HSD17B12: variants seen among roughly 807,000 people sequenced by gnomAD.
HSD17B12 encodes the protein hydroxysteroid 17-beta dehydrogenase 12.
In HSD17B12, 32 loss-of-function variants were observed where a neutral mutation model predicts 39.3. That is an observed-to-expected ratio of 0.81 (90% CI 0.61 to 1.09). HSD17B12 has a LOEUF of 1.09. Among genes scored for constraint, HSD17B12 ranks in the 50% least tolerant of loss-of-function variants. HSD17B12 has a pLI of 0.00. For missense variants in HSD17B12, 342 were observed against 382.9 expected (o/e 0.89, Z 0.89); for synonymous variants, 150 against 146.7 (o/e 1.02, Z -0.16).
At chr11:43,658,059 A>T in the HSD17B12 span, among the ~76,000 whole-genome samples, 1 of 152,272 alleles carries the variant, frequency 6.6e-6, no homozygotes, top group East Asian at 1.9e-4. Context: ...TGGTCTTTTC[A>T]CATAGTCCCA....
At chr11:43,652,389 G>A in the HSD17B12 span, among the ~76,000 whole-genome samples, 1 of 152,180 alleles carries the variant, frequency 6.6e-6, no homozygotes, top group African/African-American at 2.4e-5. Context: ...AATGTGTGGA[G>A]ATTTTTCCCC....
At chr11:43,642,720 A>C in the HSD17B12 span, among the ~76,000 whole-genome samples, 11 of 151,960 alleles carry the variant, frequency 7.2e-5, no homozygotes, top group Admixed American at 2.6e-4. Context: ...AGAATTAGAA[A>C]TGTTCAGATG....
At chr11:43,727,665 C>G (rs1950233275) in intron 1 of HSD17B12, among the ~76,000 whole-genome samples, 1 of 152,106 alleles carries the variant, frequency 6.6e-6, no homozygotes, top group African/African-American at 2.4e-5. Context: ...GTACAAACCA[C>G]CATCTCTTAA....
chr11:43,558,276 C>T, the HSD17B12 span, among the ~76,000 whole-genome samples: 6 of 151,988 alleles, frequency 3.9e-5, no homozygotes, highest in African/African-American at 1.4e-4. Context: ...TTCAAATCCC[C>T]CAGAGGTCTG....
the HSD17B12 span, among the ~76,000 whole-genome samples, chr11:43,568,071 T>A: frequency 0.069 from 10,532 of 152,130 alleles, 774 homozygotes; most frequent in East Asian, 0.4. Context: ...CTCAGCCCTG[T>A]TTGTTTTTTT....
chr11:43,833,032 CAAAAAA>C (rs59191050), intron 7 of HSD17B12: 78,978 of 123,504 alleles, frequency 0.64, 23,154 homozygotes, highest in East Asian at 0.71. Flanking sequence ...GACCCTGTCT[CAAAAAA>C]AAAAAAAAAA....
At chr11:43,817,015 T>TAG (rs1951133210) in intron 6 of HSD17B12, among the ~76,000 whole-genome samples, 3 of 20,778 alleles carry the variant, frequency 1.4e-4, no homozygotes, top group African/African-American at 3.8e-4. Flanking sequence ...TATATCTATA[T>TAG]CTATATCTAT....
intron 1 of HSD17B12, among the ~76,000 whole-genome samples, chr11:43,747,698 G>A (rs1950424929): frequency 2.0e-5 from 3 of 152,188 alleles, no homozygotes; most frequent in Admixed American, 2.0e-4. Context: ...TATGCTGTTT[G>A]AACACAAAGG....
At chr11:43,630,090 T>C in the HSD17B12 span, among the ~76,000 whole-genome samples, 1 of 152,178 alleles carries the variant, frequency 6.6e-6, no homozygotes, top group African/African-American at 2.4e-5. Context: ...TTTCTTTGTC[T>C]GGAAAATTGG....
intron 3 of HSD17B12, among the ~76,000 whole-genome samples, chr11:43,768,193 T>G (rs1366292976): frequency 1.3e-5 from 2 of 152,080 alleles, no homozygotes; most frequent in Non-Finnish European, 2.9e-5. Context: ...GGAAGGTGCA[T>G]CCCCAAAACG....
chr11:43,756,682 G>A (rs1229461113), intron 3 of HSD17B12, among the ~76,000 whole-genome samples: 1 of 152,188 alleles, frequency 6.6e-6, no homozygotes, highest in African/African-American at 2.4e-5. Flanking sequence ...GCTATGATAT[G>A]AATGAATCTA....
intron 1 of HSD17B12, among the ~76,000 whole-genome samples, chr11:43,701,108 T>C (rs1452926456): frequency 6.6e-6 from 1 of 152,246 alleles, no homozygotes; most frequent in Admixed American, 6.5e-5. Context: ...CACCTTTTCA[T>C]ATGCCTGTTT....
At chr11:43,854,652 A>G (rs925899127) in intron 9 of HSD17B12, 63 bp from the exon 10 acceptor site, 5 of 1,557,702 alleles carry the variant, frequency 3.2e-6, no homozygotes, top group African/African-American at 2.7e-5. Context: ...ACCACTGTAC[A>G]TTCTGAGTTT....
chr11:43,688,895 T>C (rs560729745), intron 1 of HSD17B12, among the ~76,000 whole-genome samples: 1 of 152,352 alleles, frequency 6.6e-6, no homozygotes, highest in Admixed American at 6.5e-5. Flanking sequence ...GTATAGTCCT[T>C]ACTGTATTTT....
At chr11:43,696,183 C>CT (rs1949909824) in intron 1 of HSD17B12, among the ~76,000 whole-genome samples, 1 of 152,122 alleles carries the variant, frequency 6.6e-6, no homozygotes, top group African/African-American at 2.4e-5. Context: ...TGATCTTGTT[C>CT]TTTTTTATGG....
At chr11:43,576,829 G>C in the HSD17B12 span, among the ~76,000 whole-genome samples, 2 of 152,090 alleles carry the variant, frequency 1.3e-5, no homozygotes, top group African/African-American at 4.8e-5. Context: ...AATTCTTGCA[G>C]AGCCGGGAAT....
intron 3 of HSD17B12, among the ~76,000 whole-genome samples, chr11:43,765,600 T>C (rs1212851678): frequency 6.6e-6 from 1 of 152,180 alleles, no homozygotes; most frequent in Admixed American, 6.5e-5. Context: ...TTTCTGGGAC[T>C]TTAGTTACGT....
At chr11:43,653,521 A>T in the HSD17B12 span, among the ~76,000 whole-genome samples, 7 of 152,070 alleles carry the variant, frequency 4.6e-5, no homozygotes, top group Non-Finnish European at 8.8e-5. Flanking sequence ...ATTTAGCATT[A>T]GGTATATCTC....
intron 3 of HSD17B12, among the ~76,000 whole-genome samples, chr11:43,795,431 C>A (rs1186186402): frequency 6.6e-6 from 1 of 152,304 alleles, no homozygotes; most frequent in East Asian, 1.9e-4. Flanking sequence ...ATATGCACAT[C>A]TATTTTTGAT....
Sources: allele counts gnomAD v4.1 joint callset (sites outside exome capture counted in the v4.1 genomes callset), GRCh38; gene constraint gnomAD v4.1.1; transcripts MANE v1.5; gene names NCBI Gene and HGNC (gene_info 2026-07-23, HGNC 2026-07-21).